The following DIP2B variants were observed in gnomAD, a reference collection of about 807,000 sequenced individuals.
DIP2B encodes DIP2 acetate--CoA ligase B (putative).
A neutral mutation model predicts 198.0 loss-of-function variants in DIP2B; 76 were observed. That is an observed-to-expected ratio of 0.38 (90% CI 0.32 to 0.46). The LOEUF is 0.46. Among genes scored for constraint, DIP2B ranks in the 20% least tolerant of loss-of-function variants. The pLI is 0.99. For synonymous variants in DIP2B, 701 were observed against 739.1 expected (o/e 0.95, Z 0.84); for missense variants, 1,559 against 1,978.4 (o/e 0.79, Z 4.02).
rs1422321651 is a variant in DIP2B, at chr12:50,747,399, C to T, written c.*2560C>T. 3 of 152,174 alleles carry T rather than the reference C, an allele frequency of 2.0e-5. No individual in the cohort carries two copies. The highest frequency in any genetic ancestry group is 7.2e-5 in the African/African-American group (3 of 41,428). The allele number at this position is 152,174 out of a possible 1,614,324, so 9.4% of individuals were successfully genotyped here. Reference sequence around the variant, plus strand: ...TTGATCTTTTGCATGTCCCCCAAAGCCAGAATCTGCTCATGGAGGAAGGAA... The same window carrying T: ...TTGATCTTTTGCATGTCCCCCAAAGTCAGAATCTGCTCATGGAGGAAGGAA... On this transcript the variant is annotated 3_prime_UTR_variant, in exon 38 of 38. Coordinates refer to ENST00000301180, the MANE Select transcript of DIP2B (RefSeq NM_173602.3).
Position 50,744,574 on chromosome 12 carries a change from A to C in DIP2B, c.4479-13A>C, listed in dbSNP as rs780695513. 1 of 1,610,674 alleles carries C rather than the reference A, an allele frequency of 6.2e-7. No homozygotes were observed. Among genetic ancestry groups the C allele is most frequent in the Non-Finnish European group, 8.5e-7 (1 of 1,176,980 alleles). On this transcript the variant is annotated splice_polypyrimidine_tract_variant and intron_variant, in intron 37 of 37. Coordinates refer to ENST00000301180, the MANE Select transcript of DIP2B (RefSeq NM_173602.3). Reference sequence around the variant, plus strand: ...TGTAGTGACAAGTTAATGAATTGTCATTGAAATTTCAGTGCCGTGTTCACA... The same window carrying C: ...TGTAGTGACAAGTTAATGAATTGTCCTTGAAATTTCAGTGCCGTGTTCACA...
intron 2 of DIP2B, among the ~76,000 whole-genome samples, chr12:50,627,964 C>T (rs922038893): frequency 6.6e-6 from 1 of 152,222 alleles, no homozygotes; most frequent in Non-Finnish European, 1.5e-5. Flanking sequence ...TAGATCCCAA[C>T]CCCTCCTCCT....
chr12:50,527,987 G>T (rs1958181617), intron 1 of DIP2B, among the ~76,000 whole-genome samples: 1 of 150,394 alleles, frequency 6.6e-6, no homozygotes. Context: ...GAGTACAGTA[G>T]TGTAATCACG....
intron 2 of DIP2B, among the ~76,000 whole-genome samples, chr12:50,627,199 A>G (rs913261040): frequency 6.6e-6 from 1 of 152,182 alleles, no homozygotes; most frequent in South Asian, 2.1e-4. Flanking sequence ...AGGCCCAGAG[A>G]TTTACTTGAG....
At chr12:50,639,986 A>G (rs964658386) in intron 2 of DIP2B, among the ~76,000 whole-genome samples, 1 of 152,212 alleles carries the variant, frequency 6.6e-6, no homozygotes, top group Non-Finnish European at 1.5e-5. Flanking sequence ...GTTATGCAAG[A>G]TTAGTAAGTT....
At chr12:50,638,501 A>G (rs914502100) in intron 2 of DIP2B, among the ~76,000 whole-genome samples, 2 of 152,138 alleles carry the variant, frequency 1.3e-5, no homozygotes, top group African/African-American at 4.8e-5. Flanking sequence ...TAGTCTACAT[A>G]TTTTTCATTT....
At position 50,671,417 on chromosome 12, in the gene DIP2B, C is replaced by T; in HGVS notation, c.640+19C>T. 6.2e-7 allele frequency: 1 copy of T among 1,611,140 alleles called. No individual in the cohort carries two copies. The highest frequency in any genetic ancestry group is 8.5e-7 in the Non-Finnish European group (1 of 1,177,478). Reference sequence around the variant, plus strand: ...CGAATAGGTAGGAGCTGGATCTACCCAAGAAGCCCAAATTACATTCCATTT... The same window carrying T: ...CGAATAGGTAGGAGCTGGATCTACCTAAGAAGCCCAAATTACATTCCATTT... On this transcript the variant is annotated intron_variant, in intron 5 of 37. Transcript: ENST00000301180.
chr12:50,563,042 A>G (rs1349786036), intron 1 of DIP2B, among the ~76,000 whole-genome samples: 1 of 152,206 alleles, frequency 6.6e-6, no homozygotes, highest in Non-Finnish European at 1.5e-5. Flanking sequence ...AAAAGTTTGA[A>G]GATTATTAAC....
In DIP2B at chr12:50,744,762, G is replaced by C; in HGVS notation, c.4654G>C (p.Glu1552Gln). 6.2e-7 allele frequency: 1 copy of C among 1,614,168 alleles called. No homozygotes were observed. Among genetic ancestry groups the C allele is most frequent in the South Asian group, 1.1e-5 (1 of 91,082 alleles). The change falls in exon 38 of 38, where the codon GAG becomes CAG. Residue 1552 changes from glutamate to glutamine, a missense_variant. Transcript: ENST00000301180. ...TGTCATCCCGATCAACTCCAGAGGA[G>C]AGAAGCAGAGGATGCACCTCCGTGA... The part of the protein sequence containing the change: ...PGVIPINSRG[E>Q]KQRMHLRDSF...
chr12:50,535,482 T>G (rs1287001990), intron 1 of DIP2B, among the ~76,000 whole-genome samples: 1 of 151,380 alleles, frequency 6.6e-6, no homozygotes, highest in African/African-American at 2.4e-5. Context: ...TTCTCCTCCC[T>G]CAGCCTGCCA....
At chr12:50,660,431 A>C in intron 4 of DIP2B, 112 bp downstream of exon 4, 1 of 1,251,384 alleles carries the variant, frequency 8.0e-7, no homozygotes, top group Non-Finnish European at 1.1e-6. Context: ...CCGCCATTAG[A>C]GGAATGTAAG....
chr12:50,540,053 G>GTTTTTTTTTTTTTT (rs60978324), intron 1 of DIP2B, among the ~76,000 whole-genome samples: 12 of 44,166 alleles, frequency 2.7e-4, no homozygotes, highest in East Asian at 1.3e-3. Flanking sequence ...TTGTTTCTGT[G>GTTTTTTTTTTTTTT]TTTTTTTTTT....
At chr12:50,732,337 C>T (rs780582216) in intron 31 of DIP2B, 29 bp from the exon 32 acceptor site, 1 of 1,612,678 alleles carries the variant, frequency 6.2e-7, no homozygotes, top group Non-Finnish European at 8.5e-7. Flanking sequence ...ATCCTACTGA[C>T]TTGGCTCCCA....
chr12:50,505,262 G>C (rs1332494901), intron 1 of DIP2B, 22 bp downstream of exon 1: 31 of 1,464,850 alleles, frequency 2.1e-5, no homozygotes, highest in Non-Finnish European at 2.5e-5. Flanking sequence ...GCCGGGGAGA[G>C]GGCGCCCGGG....
At chr12:50,544,417 C>T (rs971291966) in intron 1 of DIP2B, among the ~76,000 whole-genome samples, 19 of 152,132 alleles carry the variant, frequency 1.2e-4, no homozygotes, top group African/African-American at 4.6e-4. Context: ...AGCGATTCTC[C>T]CGCGTCAGCC....
chr12:50,676,951 T>G (rs1019458692), intron 7 of DIP2B, among the ~76,000 whole-genome samples: 1 of 152,300 alleles, frequency 6.6e-6, no homozygotes, highest in Non-Finnish European at 1.5e-5. Context: ...GGCAGCAAAT[T>G]GGGGAGTGAA....
chr12:50,516,578 G>A (rs1400736078), intron 1 of DIP2B, among the ~76,000 whole-genome samples: 1 of 151,932 alleles, frequency 6.6e-6, no homozygotes, highest in African/African-American at 2.4e-5. Flanking sequence ...CTATCACATT[G>A]GGAATTAAGT....
At chr12:50,527,886 G>A (rs944326242) in intron 1 of DIP2B, among the ~76,000 whole-genome samples, 5 of 150,676 alleles carry the variant, frequency 3.3e-5, no homozygotes, top group Admixed American at 6.6e-5. Flanking sequence ...TACAATTTCA[G>A]TTGTGGAAAA....
chr12:50,579,716 T>G (rs182466769), intron 1 of DIP2B, among the ~76,000 whole-genome samples: 2 of 102,108 alleles, frequency 2.0e-5, no homozygotes, highest in African/African-American at 3.7e-5. Flanking sequence ...TATATATATA[T>G]ATACATAGCT....
Sources: gnomAD v4.1 joint callset for allele counts (sites outside exome capture counted in the v4.1 genomes callset) on GRCh38, gnomAD v4.1.1 for gene constraint, MANE v1.5 for transcripts, NCBI Gene and HGNC (gene_info 2026-07-23, HGNC 2026-07-21) for gene names.